The following PIWIL2 variants were observed in gnomAD, a reference collection of about 807,000 sequenced individuals.
The protein encoded by PIWIL2 is piwi-like protein 2.
Under a neutral mutation model 116.5 loss-of-function variants are expected in PIWIL2, and 81 were observed. The ratio of observed to expected loss-of-function variants is 0.70; its 90% CI spans 0.58 to 0.84. PIWIL2 has a LOEUF of 0.84. Ranked by LOEUF, PIWIL2 falls within the 40% of genes least tolerant of loss-of-function variation. The pLI, the probability that PIWIL2 is intolerant of heterozygous loss-of-function variation, is 0.00. For synonymous variants in PIWIL2, 489 were observed against 429.5 expected, an observed-to-expected ratio of 1.14 and a Z score of -1.71; for missense variants, 1,272 against 1,212.3, an observed-to-expected ratio of 1.05 and a Z score of -0.73.
chr8:22,303,743 C>CT (rs918758505), intron 10 of PIWIL2, among the ~76,000 whole-genome samples: 1 of 151,840 alleles, frequency 6.6e-6, no homozygotes, highest in Non-Finnish European at 1.5e-5. Flanking sequence ...AAGCTTTTTC[C>CT]TTTTTTTTCC....
chr8:22,326,778 T>C (rs1016484905), intron 20 of PIWIL2, among the ~76,000 whole-genome samples: 1 of 152,228 alleles, frequency 6.6e-6, no homozygotes, highest in African/African-American at 2.4e-5. Flanking sequence ...ATTTTGACTA[T>C]TGTGAATAAT....
intron 14 of PIWIL2, among the ~76,000 whole-genome samples, chr8:22,309,489 C>T (rs899132691): frequency 6.6e-6 from 1 of 151,978 alleles, no homozygotes. Context: ...CAGGCATGCG[C>T]CACCACACCC....
At chr8:22,290,616 T>A (rs977847599) in intron 10 of PIWIL2, among the ~76,000 whole-genome samples, 4 of 138,288 alleles carry the variant, frequency 2.9e-5, no homozygotes, top group Non-Finnish European at 6.4e-5. Flanking sequence ...ATTTTTAATT[T>A]TTTTTTTTTT....
rs1005016122 is a variant in PIWIL2, at chr8:22,347,002, T to C, written c.2404-5957T>C. On this transcript the variant is annotated intron_variant, in intron 20 of 22. Transcript: ENST00000356766. ...CAGCCTGGACAACATAGACCTCATA[T>C]GTATAAAAAAATTTTTAAGTTAGCT... 2.5e-4 allele frequency among the ~76,000 whole-genome samples: 38 copies of C among 151,420 alleles called. 1 individual carries two copies. Among genetic ancestry groups the C allele is most frequent in the Non-Finnish European group, 7.4e-5 (5 of 67,836 alleles).
intron 10 of PIWIL2, among the ~76,000 whole-genome samples, chr8:22,297,410 T>C (rs1421791839): frequency 6.6e-6 from 1 of 152,182 alleles, no homozygotes; most frequent in Non-Finnish European, 1.5e-5. Flanking sequence ...TGTGAGCTAT[T>C]GCACCTGGCC....
intron 20 of PIWIL2, among the ~76,000 whole-genome samples, chr8:22,341,733 A>G (rs1311629556): frequency 6.6e-6 from 1 of 152,174 alleles, no homozygotes; most frequent in Non-Finnish European, 1.5e-5. Flanking sequence ...GATAGATGCT[A>G]TAAAGATACT....
chr8:22,309,529 G>A (rs955157310), intron 14 of PIWIL2, among the ~76,000 whole-genome samples: 1 of 151,782 alleles, frequency 6.6e-6, no homozygotes, highest in African/African-American at 2.4e-5. Context: ...AGTAGAGACA[G>A]GGTTTCACCA....
chr8:22,351,888 C>T (rs1226035680), intron 20 of PIWIL2, among the ~76,000 whole-genome samples: 1 of 151,236 alleles, frequency 6.6e-6, no homozygotes, highest in Non-Finnish European at 1.5e-5. Flanking sequence ...TAGAATGAAC[C>T]ACACTCCACT....
chr8:22,281,541 A>G, intron 4 of PIWIL2, 26 bp downstream of exon 4: 1 of 1,538,106 alleles, frequency 6.5e-7, no homozygotes, highest in Admixed American at 2.4e-5. Flanking sequence ...CTCTCAGGTA[A>G]CTATCAAATT....
intron 14 of PIWIL2, among the ~76,000 whole-genome samples, chr8:22,308,921 G>C (rs1408285379): frequency 1.3e-5 from 2 of 151,960 alleles, no homozygotes; most frequent in African/African-American, 2.4e-5. Flanking sequence ...AAAGTGTTAG[G>C]AGTACAGGTG....
chr8:22,309,087 A>G (rs1163416433), intron 14 of PIWIL2, among the ~76,000 whole-genome samples: 1 of 151,216 alleles, frequency 6.6e-6, no homozygotes, highest in Non-Finnish European at 1.5e-5. Context: ...TCAGCTTCCC[A>G]AGTAGCTGGG....
rs1010290640 is a variant in PIWIL2 at position 22,340,129 on chromosome 8, C to T, written c.2404-12830C>T. Among the ~76,000 whole-genome samples, 7 of 147,972 alleles carry T rather than the reference C, an allele frequency of 4.7e-5. No homozygotes were observed. The East Asian group carries it at 6.2e-4, about 13-fold the overall frequency. On this transcript the variant is annotated intron_variant, in intron 20 of 22. Transcript: ENST00000356766. ...GTGCAATGGTGCAATCTCAGCTCACCGCAACCTCCGCCTCCCGGGATCAAG... is the reference window on the plus strand; with the variant it reads ...GTGCAATGGTGCAATCTCAGCTCACTGCAACCTCCGCCTCCCGGGATCAAG...
chr8:22,288,752 C>T (rs904727177), intron 8 of PIWIL2, 86 bp downstream of exon 8: 69 of 1,203,472 alleles, frequency 5.7e-5, no homozygotes, highest in Non-Finnish European at 7.7e-5. Context: ...GATGGAAATA[C>T]GTGACAGTAT....
At position 22,283,121 on chromosome 8, in the gene PIWIL2, C is replaced by T. The variant is rs767388203; in HGVS notation, c.513C>T (p.Pro171=). 1.2e-6 allele frequency: 2 copies of T among 1,614,166 alleles called. No homozygotes were observed. Among genetic ancestry groups the T allele is most frequent in the East Asian group, 2.2e-5 (1 of 44,868 alleles). ...GGISREVDKP[P]CTFSTPSRGP... is the part of the protein sequence containing the mutation. ...TCAGCAGAGAAGTGGACAAGCCTCC[C>T]TGTACCTTCAGCACACCGTCCCGGG... The change falls in exon 5 of 23, where the codon CCC becomes CCT. Residue 171 remains proline, a synonymous_variant. Coordinates refer to ENST00000356766, the MANE Select transcript of PIWIL2 (RefSeq NM_018068.5).
At chr8:22,281,048 C>T in intron 2 of PIWIL2, 72 bp from the exon 3 acceptor site, 13 of 829,116 alleles carry the variant, frequency 1.6e-5, no homozygotes, top group South Asian at 3.3e-5. Flanking sequence ...TATTATATAC[C>T]AAGACTAAGA....
Position 22,318,239 on chromosome 8 carries a change from G to A in PIWIL2, c.2367G>A (p.Lys789=), listed in dbSNP as rs1156306880. Residue 789 remains lysine (K), a synonymous_variant, in exon 20 of 23, where the codon AAG becomes AAA. Transcript: ENST00000356766. The stretch of plus-strand genomic sequence containing the variant: ...ATCAGGAGATTGTGGACAGCCTGAA[G>A]CTATGCCTCGTGGGCTCCTTAAAAA... The part of the protein sequence containing the change: ...MPHQEIVDSL[K]LCLVGSLKKF... The A allele has an allele frequency of 1.2e-6, 2 of 1,612,384 alleles. No homozygotes were observed. Among genetic ancestry groups the A allele is most frequent in the African/African-American group, 2.7e-5 (2 of 74,862 alleles).
intron 20 of PIWIL2, among the ~76,000 whole-genome samples, chr8:22,335,876 T>C (rs953275950): frequency 2.0e-5 from 3 of 152,144 alleles, no homozygotes; most frequent in Admixed American, 6.6e-5. Context: ...AAACAGACTT[T>C]TAGATAACAC....
At chr8:22,346,559 C>T (rs1024978971) in intron 20 of PIWIL2, among the ~76,000 whole-genome samples, 3 of 152,180 alleles carry the variant, frequency 2.0e-5, no homozygotes, top group African/African-American at 7.2e-5. Context: ...CTTAAGCTCA[C>T]ATGTGATTTA....
chr8:22,303,331 G>A (rs1447958849), intron 10 of PIWIL2, among the ~76,000 whole-genome samples: 1 of 152,180 alleles, frequency 6.6e-6, no homozygotes, highest in Non-Finnish European at 1.5e-5. Context: ...GAGACTCTAT[G>A]TCCACATTTT....
Sources: gnomAD v4.1 joint callset for allele counts (sites outside exome capture counted in the v4.1 genomes callset) on GRCh38, gnomAD v4.1.1 for gene constraint, MANE v1.5 for transcripts, NCBI Gene and HGNC (gene_info 2026-07-23, HGNC 2026-07-21) for gene names.